Variants in NPHP4 observed in about 807,000 individuals in gnomAD.
The protein encoded by NPHP4 is nephrocystin-4.
NPHP4 carries 151 observed loss-of-function variants against 155.8 expected under a neutral mutation model. That is an observed-to-expected ratio of 0.97 (90% CI 0.85 to 1.11). The LOEUF is 1.11. NPHP4 is among the 50% of genes least tolerant of loss of function. The pLI is 0.00. For missense variants in NPHP4, 1,956 were observed against 1,925.7 expected, an observed-to-expected ratio of 1.02 and a Z score of -0.29; for synonymous variants, 845 against 816.8, an observed-to-expected ratio of 1.03 and a Z score of -0.59.
At chr1:5,883,966 G>A (rs1427663006) in intron 18 of NPHP4, among the ~76,000 whole-genome samples, 5 of 152,180 alleles carry the variant, frequency 3.3e-5, no homozygotes, top group South Asian at 2.1e-4. Context: ...AGCAGGACAC[G>A]GAACCCTGCT....
At chr1:5,914,658 CAACA>C (rs1486143629) in intron 11 of NPHP4, among the ~76,000 whole-genome samples, 1 of 152,096 alleles carries the variant, frequency 6.6e-6, no homozygotes, top group African/African-American at 2.4e-5. Context: ...ATTCATTTTC[CAACA>C]AACATTTTAT....
At chr1:5,878,237 A>G (rs1196915824) in intron 19 of NPHP4, among the ~76,000 whole-genome samples, 2 of 152,192 alleles carry the variant, frequency 1.3e-5, no homozygotes, top group Admixed American at 6.5e-5. Context: ...GCCTCCACAC[A>G]GTGGACAGCA....
At position 5,933,776 on chromosome 1, in the gene NPHP4, G is replaced by A. The variant is rs552309858; in HGVS notation, c.1120-447C>T. Among the ~76,000 whole-genome samples, 8 of 152,286 alleles carry A rather than the reference G, an allele frequency of 5.3e-5. No homozygotes were observed. In the South Asian group the frequency reaches 6.2e-4, roughly 12 times the overall value. On this transcript the variant is annotated intron_variant, in intron 9 of 29. Coordinates refer to ENST00000378156, the MANE Select transcript of NPHP4 (RefSeq NM_015102.5). ...CTAATCAGAAATTTGGTAAAATAAC[G>A]AAGAATGCACATGTATATTCAACTC...
intron 8 of NPHP4, among the ~76,000 whole-genome samples, chr1:5,947,554 T>C (rs1329192430): frequency 1.3e-5 from 2 of 152,202 alleles, no homozygotes; most frequent in African/African-American, 4.8e-5. Context: ...GCAGGCCTGA[T>C]ACGGCCAAGT....
intron 3 of NPHP4, among the ~76,000 whole-genome samples, chr1:5,973,951 G>A (rs1038331724): frequency 6.6e-6 from 1 of 152,192 alleles, no homozygotes. Context: ...TGATGTTCAG[G>A]ACATGCCTGC....
intron 23 of NPHP4, chr1:5,868,418 C>A: frequency 3.9e-6 from 1 of 253,486 alleles, no homozygotes; most frequent in Non-Finnish European, 7.8e-6. Flanking sequence ...AAGAGCTACT[C>A]ATTAAAAACC....
intron 7 of NPHP4, among the ~76,000 whole-genome samples, chr1:5,952,192 G>A (rs1414090083): frequency 1.3e-5 from 2 of 152,336 alleles, no homozygotes; most frequent in South Asian, 2.1e-4. Flanking sequence ...GCCTTCCCAG[G>A]GGCCCAAGGT....
intron 2 of NPHP4, among the ~76,000 whole-genome samples, chr1:5,978,641 C>T (rs1283417855): frequency 6.6e-6 from 1 of 152,146 alleles, no homozygotes; most frequent in Non-Finnish European, 1.5e-5. Flanking sequence ...TTGGAACAGA[C>T]ACAGGCTTCT....
intron 18 of NPHP4, chr1:5,886,976 G>A: frequency 3.1e-6 from 1 of 320,788 alleles, no homozygotes; most frequent in South Asian, 8.0e-5. Context: ...GTCTCTCCTG[G>A]AACCCAGTCA....
chr1:5,977,573 T>C (rs1360045547), intron 3 of NPHP4, among the ~76,000 whole-genome samples: 2 of 151,654 alleles, frequency 1.3e-5, no homozygotes, highest in Non-Finnish European at 2.9e-5. Flanking sequence ...TTCTGTTAGG[T>C]GAGCGCCATC....
intron 13 of NPHP4, among the ~76,000 whole-genome samples, chr1:5,906,393 A>G (rs568079068): frequency 3.9e-5 from 6 of 152,208 alleles, no homozygotes; most frequent in Non-Finnish European, 7.3e-5. Flanking sequence ...CTTCATTCCC[A>G]AGCTTTCTGT....
chr1:5,933,022 C>T, intron 10 of NPHP4, 125 bp downstream of exon 10: 1 of 703,268 alleles, frequency 1.4e-6, no homozygotes, highest in South Asian at 2.2e-5. Context: ...AAAGGCATAC[C>T]CATGACATGA....
At chr1:5,991,650 G>A (rs1395550316) in intron 1 of NPHP4, 1 of 152,268 alleles carries the variant, frequency 6.6e-6, no homozygotes, top group Non-Finnish European at 1.5e-5. Context: ...GGTCGGCCGG[G>A]AGGTTCCAAG....
Position 5,910,849 on chromosome 1 carries a change from C to G in NPHP4, c.1442-1636G>C, listed in dbSNP as rs1003046238. On this transcript the variant is annotated intron_variant, in intron 11 of 29. Transcript: ENST00000378156. This position sits in a 1 kb window ranked among gnomAD's most constrained non-coding sequence, Gnocchi z 5.4. ...CCAGCTGCAGGATCTGGTGGAAACC[C>G]TGCTAAGGGCCTGTGGATGGGTGGA... Among the ~76,000 whole-genome samples the G allele has an allele frequency of 5.3e-5, 8 of 152,194 alleles. No individual in the cohort carries two copies. Among genetic ancestry groups the G allele is most frequent in the African/African-American group, 1.9e-4 (8 of 41,440 alleles).
Position 5,865,235 on chromosome 1 carries a change from A to T in NPHP4, c.3683T>A (p.Val1228Asp). ...WLATPTQTWQ[V>D]YLHSLQRVDV... is the part of the protein sequence containing the mutation. The stretch of plus-strand genomic sequence containing the variant: ...CACGCGCTGCAGGGAGTGGAGGTAG[A>T]CCTGCCACGTCTGTGTGGGTGTCGC... The change falls in exon 27 of 30, where the codon GTC becomes GAC. Residue 1228 changes from valine to aspartate, a missense_variant. By Grantham distance (152) the Val-to-Asp change is radical (BLOSUM62 -3). Transcript: ENST00000378156. 6.3e-7 allele frequency: 1 copy of T among 1,584,202 alleles called. No individual in the cohort carries two copies. Among genetic ancestry groups the T allele is most frequent in the Non-Finnish European group, 8.6e-7 (1 of 1,162,886 alleles).
At chr1:5,987,085 G>A (rs919500113) in intron 1 of NPHP4, among the ~76,000 whole-genome samples, 1 of 152,058 alleles carries the variant, frequency 6.6e-6, no homozygotes, top group African/African-American at 2.4e-5. Context: ...AGAGACCTCA[G>A]TTGGTCACCC....
chr1:5,901,059 A>G (rs1180131106), intron 16 of NPHP4, among the ~76,000 whole-genome samples: 1 of 152,094 alleles, frequency 6.6e-6, no homozygotes, highest in Non-Finnish European at 1.5e-5. Context: ...AAAAAACAAA[A>G]AAGAATATGT....
In NPHP4 at chr1:5,952,782, T is replaced by A. The variant is rs1173697447; in HGVS notation, c.728A>T (p.Asp243Val). 3 of 1,590,350 alleles carry A rather than the reference T, an allele frequency of 1.9e-6. No homozygotes were observed. In the Admixed American group the frequency reaches 5.3e-5, roughly 28 times the overall value. ...GGAGGGGTACAGGGTGAAGAATAAG[T>A]CATCCAAGTGCCCCGTGATGGGCTT... Reference protein sequence around the residue: ...LQKPITGHLDDLFFTLYPSLE... With the variant: ...LQKPITGHLDVLFFTLYPSLE... Residue 243 changes from aspartate (D) to valine (V), a missense_variant, in exon 7 of 30, where the codon GAC (aspartate) becomes GTC (valine). Coordinates refer to ENST00000378156, the MANE Select transcript of NPHP4 (RefSeq NM_015102.5).
chr1:5,933,086 G>A, intron 10 of NPHP4, 61 bp downstream of exon 10: 1 of 1,336,374 alleles, frequency 7.5e-7, no homozygotes, highest in Non-Finnish European at 1.0e-6. Flanking sequence ...TTTTGCTTTT[G>A]AAAATGAATG....
Sources: allele counts gnomAD v4.1 joint callset (sites outside exome capture counted in the v4.1 genomes callset), GRCh38; gene constraint gnomAD v4.1.1; non-coding constraint Gnocchi (gnomAD v3.1); transcripts MANE v1.5; gene names NCBI Gene and HGNC (gene_info 2026-07-23, HGNC 2026-07-21).